Variants in GPHN observed in about 807,000 individuals in gnomAD.
GPHN encodes the protein gephyrin.
In GPHN, 17 loss-of-function variants were observed where a neutral mutation model predicts 95.5. The observed-to-expected ratio is 0.18, with a 90% CI of 0.12 to 0.27. GPHN has a LOEUF of 0.27. Ranked by LOEUF, GPHN falls within the 10% of genes least tolerant of loss-of-function variation. The pLI, the probability that GPHN is intolerant of heterozygous loss-of-function variation, is 1.00. For missense variants in GPHN, 660 were observed against 978.1 expected, an observed-to-expected ratio of 0.67 and a Z score of 4.34; for synonymous variants, 320 against 322.5, an observed-to-expected ratio of 0.99 and a Z score of 0.08.
intron 13 of GPHN, among the ~76,000 whole-genome samples, chr14:67,107,110 A>G (rs1213925789): frequency 6.6e-6 from 1 of 152,180 alleles, no homozygotes; most frequent in African/African-American, 2.4e-5. Flanking sequence ...TCAGTGGCCT[A>G]ATCCATAGAA....
At chr14:66,731,493 T>C (rs1595719708) in intron 2 of GPHN, among the ~76,000 whole-genome samples, 2 of 152,352 alleles carry the variant, frequency 1.3e-5, no homozygotes, top group Admixed American at 1.3e-4. Context: ...TGCCTTGCTT[T>C]AGCAAAGAGA....
At chr14:67,044,791 TTCTC>T (rs1459945016) in intron 10 of GPHN, among the ~76,000 whole-genome samples, 1 of 151,336 alleles carries the variant, frequency 6.6e-6, no homozygotes, top group African/African-American at 2.4e-5. Flanking sequence ...CTCTCTGTCT[TTCTC>T]TCTGTCTCTC....
At chr14:67,504,988 G>T in the GPHN span, among the ~76,000 whole-genome samples, 2 of 152,078 alleles carry the variant, frequency 1.3e-5, no homozygotes, top group Admixed American at 1.3e-4. Flanking sequence ...AAGTGCGTTT[G>T]GATATTTTTT....
chr14:67,176,425 G>A (rs1455538737), intron 21 of GPHN, among the ~76,000 whole-genome samples: 1 of 152,188 alleles, frequency 6.6e-6, no homozygotes, highest in Non-Finnish European at 1.5e-5. Context: ...CAGGGATGAA[G>A]CCCACTTGAT....
chr14:67,122,781 A>T (rs73276967), intron 17 of GPHN, among the ~76,000 whole-genome samples: 1,816 of 152,356 alleles, frequency 0.012, 39 homozygotes, highest in African/African-American at 0.041. Context: ...AAATTTAAGT[A>T]CAATTTTTTT....
downstream of GPHN, among the ~76,000 whole-genome samples, chr14:67,182,748 G>A (rs1195869137): frequency 1.3e-5 from 2 of 151,684 alleles, no homozygotes; most frequent in Non-Finnish European, 2.9e-5. Flanking sequence ...ATATAGTAGA[G>A]TGTATAGAAT....
At chr14:67,055,817 T>A (rs2075537306) in intron 10 of GPHN, among the ~76,000 whole-genome samples, 1 of 152,208 alleles carries the variant, frequency 6.6e-6, no homozygotes, top group African/African-American at 2.4e-5. Context: ...CTTCAGATGT[T>A]CAGATGTGTC....
At chr14:66,633,925 G>T (rs1324559162) in intron 1 of GPHN, among the ~76,000 whole-genome samples, 2 of 150,016 alleles carry the variant, frequency 1.3e-5, no homozygotes, top group African/African-American at 4.9e-5. Flanking sequence ...TTTGGGAAAA[G>T]ATTTAGTTTC....
the GPHN span, among the ~76,000 whole-genome samples, chr14:67,523,166 T>G: frequency 2.0e-5 from 3 of 151,982 alleles, no homozygotes; most frequent in Admixed American, 2.0e-4. Context: ...GTACTAAAAA[T>G]ACAAAAATTA....
At chr14:66,833,713 C>T (rs925861762) in intron 4 of GPHN, among the ~76,000 whole-genome samples, 22 of 151,190 alleles carry the variant, frequency 1.5e-4, no homozygotes, top group Non-Finnish European at 2.7e-4. Flanking sequence ...AGTAACTATC[C>T]ATTTATTTAC....
intron 1 of GPHN, among the ~76,000 whole-genome samples, chr14:66,532,720 A>C (rs1389487991): frequency 6.6e-6 from 1 of 152,184 alleles, no homozygotes; most frequent in Admixed American, 6.5e-5. Context: ...TCCTAGGAAC[A>C]TTGGACCCAG....
the GPHN span, among the ~76,000 whole-genome samples, chr14:67,683,099 G>C: frequency 6.6e-6 from 1 of 152,148 alleles, no homozygotes; most frequent in African/African-American, 2.4e-5. Context: ...AAATCTTAAG[G>C]CTTCAATCAA....
At chr14:66,918,038 G>T (rs1376292141) in intron 6 of GPHN, among the ~76,000 whole-genome samples, 2 of 152,200 alleles carry the variant, frequency 1.3e-5, no homozygotes, top group Admixed American at 6.5e-5. Flanking sequence ...AAATTCAGGA[G>T]ATCCTAAAAT....
At chr14:66,717,568 G>A (rs1205811883) in intron 2 of GPHN, among the ~76,000 whole-genome samples, 1 of 152,078 alleles carries the variant, frequency 6.6e-6, no homozygotes, top group Non-Finnish European at 1.5e-5. Context: ...TTTTTGGGGG[G>A]TGTTAAATAA....
intron 9 of GPHN, among the ~76,000 whole-genome samples, chr14:67,021,203 G>GTTGA (rs1222646829): frequency 6.6e-6 from 1 of 151,982 alleles, no homozygotes; most frequent in East Asian, 1.9e-4. Flanking sequence ...TGGTGTATAG[G>GTTGA]TTGATTGATT....
At chr14:67,487,502 A>C in the GPHN span, among the ~76,000 whole-genome samples, 11 of 152,290 alleles carry the variant, frequency 7.2e-5, no homozygotes, top group East Asian at 7.7e-4. Flanking sequence ...TTCAAATTAC[A>C]TTCTCACCTT....
At chr14:67,461,883 C>T in the GPHN span, among the ~76,000 whole-genome samples, 1 of 152,232 alleles carries the variant, frequency 6.6e-6, no homozygotes, top group African/African-American at 2.4e-5. Context: ...ATCCAAGGAA[C>T]AGGCTTTCCC....
chr14:66,885,151 A>G (rs973051091), intron 5 of GPHN, among the ~76,000 whole-genome samples: 1 of 152,124 alleles, frequency 6.6e-6, no homozygotes, highest in African/African-American at 2.4e-5. Flanking sequence ...AAGTAACAGT[A>G]CTATCATCTT....
At chr14:66,906,470 C>A (rs946221800) in intron 5 of GPHN, among the ~76,000 whole-genome samples, 1 of 152,142 alleles carries the variant, frequency 6.6e-6, no homozygotes. Flanking sequence ...CTACATGCTT[C>A]GTGCAAGGCA....
Sources: allele counts gnomAD v4.1 joint callset (sites outside exome capture counted in the v4.1 genomes callset), GRCh38; gene constraint gnomAD v4.1.1; transcripts MANE v1.5; gene names NCBI Gene and HGNC (gene_info 2026-07-23, HGNC 2026-07-21).